Variants in NEGR1 observed in about 807,000 individuals in gnomAD.
The protein encoded by NEGR1 is IgLON family member 4.
Under a neutral mutation model 40.9 loss-of-function variants are expected in NEGR1, and 10 were observed. The observed-to-expected ratio is 0.24, with a 90% CI of 0.15 to 0.42. The LOEUF is 0.42. Ranked by LOEUF, NEGR1 falls within the 10% of genes least tolerant of loss-of-function variation. The pLI, the probability that NEGR1 is intolerant of heterozygous loss-of-function variation, is 1.00. For missense variants in NEGR1, 352 were observed against 438.9 expected, an observed-to-expected ratio of 0.80 and a Z score of 1.77; for synonymous variants, 185 against 166.8, an observed-to-expected ratio of 1.11 and a Z score of -0.84.
intron 3 of NEGR1, among the ~76,000 whole-genome samples, chr1:71,741,711 T>C (rs957136788): frequency 1.3e-5 from 2 of 152,168 alleles, no homozygotes; most frequent in Non-Finnish European, 2.9e-5. Flanking sequence ...GAAAGGAGGT[T>C]TAATTGGCTT....
intron 1 of NEGR1, among the ~76,000 whole-genome samples, chr1:72,131,887 A>G (rs1271097438): frequency 1.3e-5 from 2 of 152,182 alleles, no homozygotes; most frequent in Non-Finnish European, 2.9e-5. Flanking sequence ...ACCTGAGGCC[A>G]TGAGTTTGAG....
At chr1:71,476,655 A>C (rs568681220) in intron 6 of NEGR1, among the ~76,000 whole-genome samples, 26 of 152,216 alleles carry the variant, frequency 1.7e-4, no homozygotes, top group African/African-American at 6.0e-4. Context: ...TACATGATGG[A>C]GCCTCAATAA....
chr1:72,038,916 G>A (rs1646928265), intron 1 of NEGR1, among the ~76,000 whole-genome samples: 1 of 151,976 alleles, frequency 6.6e-6, no homozygotes, highest in Non-Finnish European at 1.5e-5. Flanking sequence ...ACAATGATAT[G>A]AGTCAGATTG....
chr1:72,016,302 C>T (rs1646710045), intron 1 of NEGR1, among the ~76,000 whole-genome samples: 1 of 151,978 alleles, frequency 6.6e-6, no homozygotes, highest in Non-Finnish European at 1.5e-5. Context: ...TTAAAAAAGC[C>T]ACATAAGATA....
At chr1:71,681,930 G>T (rs911416172) in intron 4 of NEGR1, among the ~76,000 whole-genome samples, 5 of 152,114 alleles carry the variant, frequency 3.3e-5, no homozygotes, top group African/African-American at 1.2e-4. Context: ...GGGTTCAAGC[G>T]ATTCTCATGC....
At chr1:71,929,216 C>T (rs1645831278) in intron 2 of NEGR1, among the ~76,000 whole-genome samples, 1 of 152,042 alleles carries the variant, frequency 6.6e-6, no homozygotes, top group South Asian at 2.1e-4. Flanking sequence ...CTAGTTTTTA[C>T]TGGTAGTAGC....
chr1:71,571,514 C>A (rs1440666220), intron 6 of NEGR1, among the ~76,000 whole-genome samples: 1 of 152,162 alleles, frequency 6.6e-6, no homozygotes, highest in East Asian at 1.9e-4. Context: ...ATGTTGCTGG[C>A]AGCACTGGCT....
chr1:72,121,043 G>T (rs1305773308), intron 1 of NEGR1, among the ~76,000 whole-genome samples: 1 of 152,036 alleles, frequency 6.6e-6, no homozygotes, highest in Admixed American at 6.6e-5. Flanking sequence ...ATTTTGGGGT[G>T]TACAGAGGTT....
chr1:72,167,804 A>G (rs941643525), intron 1 of NEGR1, among the ~76,000 whole-genome samples: 13 of 151,944 alleles, frequency 8.6e-5, no homozygotes, highest in African/African-American at 2.2e-4. Context: ...AATGTTAAGG[A>G]TTACATGTTA....
At chr1:72,264,575 G>A (rs1655575595) in intron 1 of NEGR1, among the ~76,000 whole-genome samples, 1 of 150,654 alleles carries the variant, frequency 6.6e-6, no homozygotes, top group East Asian at 1.9e-4. Flanking sequence ...ATATTTCTTT[G>A]TTGATATCTT....
At chr1:71,895,687 C>A (rs1660951647) in intron 2 of NEGR1, among the ~76,000 whole-genome samples, 1 of 152,116 alleles carries the variant, frequency 6.6e-6, no homozygotes, top group African/African-American at 2.4e-5. Context: ...TTTGTTTAAC[C>A]CTTTATCAAC....
At chr1:72,156,940 T>C (rs959588958) in intron 1 of NEGR1, among the ~76,000 whole-genome samples, 3 of 54,374 alleles carry the variant, frequency 5.5e-5, no homozygotes, top group African/African-American at 1.1e-4. Context: ...CTTGTATGTG[T>C]TTTGTTGTTG....
At chr1:72,137,244 G>A (rs189986798) in intron 1 of NEGR1, among the ~76,000 whole-genome samples, 77 of 152,156 alleles carry the variant, frequency 5.1e-4, no homozygotes, top group African/African-American at 1.7e-3. Context: ...TCCCATTACT[G>A]GGTATATACC....
At chr1:72,222,985 G>A (rs563614345) in intron 1 of NEGR1, among the ~76,000 whole-genome samples, 1 of 152,160 alleles carries the variant, frequency 6.6e-6, no homozygotes, top group Non-Finnish European at 1.5e-5. Flanking sequence ...TGTCTACCTG[G>A]GAGCCACTAT....
chr1:71,582,424 A>T (rs568176031), intron 6 of NEGR1, among the ~76,000 whole-genome samples: 3 of 152,096 alleles, frequency 2.0e-5, no homozygotes, highest in South Asian at 4.1e-4. Context: ...CCATATATAT[A>T]TTTTTTTAAC....
intron 2 of NEGR1, among the ~76,000 whole-genome samples, chr1:71,856,537 T>C (rs990112277): frequency 2.6e-5 from 4 of 152,060 alleles, no homozygotes; most frequent in Non-Finnish European, 5.9e-5. Flanking sequence ...CCTCACAATA[T>C]GGAAACAGAG....
Position 72,282,498 on chromosome 1 carries a change from T to C in NEGR1, c.-4A>G. On this transcript the variant is annotated 5_prime_UTR_variant, in exon 1 of 7. Transcript: ENST00000357731. The stretch of plus-strand genomic sequence containing the variant: ...GCACCAACAGCATCATGTCCATCCC[T>C]GCTAGGGCTGCTCACTCTCCAGCAG... 6.2e-7 allele frequency: 1 copy of C among 1,603,906 alleles called. No individual in the cohort carries two copies. The highest frequency in any genetic ancestry group is 8.5e-7 in the Non-Finnish European group (1 of 1,175,756).
In NEGR1 at chr1:71,732,527, C is replaced by T. The variant is rs549381967; in HGVS notation, c.536-34388G>A. Among the ~76,000 whole-genome samples, 10 of 145,210 alleles carry T rather than the reference C, an allele frequency of 6.9e-5. No homozygotes were observed. In the East Asian group the frequency reaches 1.6e-3, roughly 24 times the overall value. ...GTGTGTGTGTGTGTGTGTGCGCGCG[C>T]GCGCCAGCTTGTGTTCTTTTTAGAG... On this transcript the variant is annotated intron_variant, in intron 3 of 6. Transcript: ENST00000357731.
intron 1 of NEGR1, among the ~76,000 whole-genome samples, chr1:72,018,764 C>T (rs533295056): frequency 5.3e-5 from 8 of 152,054 alleles, no homozygotes; most frequent in Non-Finnish European, 1.0e-4. Flanking sequence ...GAGCTCAGGG[C>T]AGGAGGGGAG....
Sources: allele counts gnomAD v4.1 joint callset (sites outside exome capture counted in the v4.1 genomes callset), GRCh38; gene constraint gnomAD v4.1.1; transcripts MANE v1.5; gene names NCBI Gene and HGNC (gene_info 2026-07-23, HGNC 2026-07-21).